Variants in ARHGAP6 observed in about 807,000 individuals in gnomAD.
ARHGAP6 encodes Rho GTPase activating protein 6.
ARHGAP6 carries 16 observed loss-of-function variants against 55.7 expected under a neutral mutation model. The ratio of observed to expected loss-of-function variants is 0.29; its 90% CI spans 0.19 to 0.44. The LOEUF is 0.44. Among genes scored for constraint, ARHGAP6 ranks in the 20% least tolerant of loss-of-function variants. The pLI is 1.00. For missense variants in ARHGAP6, 698 were observed against 808.9 expected, an observed-to-expected ratio of 0.86 and a Z score of 1.66; for synonymous variants, 382 against 360.9, an observed-to-expected ratio of 1.06 and a Z score of -0.66.
At chrX:11,238,162 A>T (rs1295238692) in intron 2 of ARHGAP6, among the ~76,000 whole-genome samples, 1 of 112,675 alleles carries the variant, frequency 8.9e-6, no homozygotes. Flanking sequence ...ACAATGCTCA[A>T]GTTATACTTT....
intron 1 of ARHGAP6, among the ~76,000 whole-genome samples, chrX:11,267,468 G>A (rs1038288689): frequency 2.7e-5 from 3 of 111,998 alleles, no homozygotes; most frequent in African/African-American, 9.7e-5. Context: ...TAAGTAATGC[G>A]GCTGTCATCC....
rs1403909367 is a variant in ARHGAP6, at chrX:11,522,134, T to C, written c.588+142107A>G. On this transcript the variant is annotated intron_variant, in intron 1 of 12. Coordinates refer to ENST00000337414, the MANE Select transcript of ARHGAP6 (RefSeq NM_013427.3). Reference sequence around the variant, plus strand: ...ACTGAACAATCTGCTCCTTAATGACTACTGGGTACATAACGAAATGAAGGC... The same window carrying C: ...ACTGAACAATCTGCTCCTTAATGACCACTGGGTACATAACGAAATGAAGGC... 3.6e-5 allele frequency among the ~76,000 whole-genome samples: 4 copies of C among 111,651 alleles called. No homozygotes were observed. In the South Asian group the frequency reaches 1.5e-3, roughly 42 times the overall value.
intron 1 of ARHGAP6, among the ~76,000 whole-genome samples, chrX:11,568,387 A>G (rs1334139831): frequency 8.9e-6 from 1 of 112,868 alleles, no homozygotes; most frequent in East Asian, 2.7e-4. Flanking sequence ...AGAGATTCTA[A>G]AGATTCATTC....
chrX:11,446,829 C>T (rs1424491773), intron 1 of ARHGAP6, among the ~76,000 whole-genome samples: 1 of 111,332 alleles, frequency 9.0e-6, no homozygotes, highest in Non-Finnish European at 1.9e-5. Flanking sequence ...GTATATCTCA[C>T]TTCAGCCTAT....
chrX:11,662,766 G>C (rs769319467), intron 1 of ARHGAP6, among the ~76,000 whole-genome samples: 44 of 112,537 alleles, frequency 3.9e-4, no homozygotes, highest in African/African-American at 1.3e-3. Context: ...TTTTAAGCAC[G>C]AATGTTAGCT....
At chrX:11,195,959 C>CAAAAAAAAAAAA (rs1024986729) in intron 3 of ARHGAP6, among the ~76,000 whole-genome samples, 1 of 8,414 alleles carries the variant, frequency 1.2e-4, no homozygotes, top group African/African-American at 3.0e-4. Context: ...ACTAAAAATA[C>CAAAAAAAAAAAA]AAAAAAAAAA....
At chrX:11,291,665 C>T (rs942165695) in intron 1 of ARHGAP6, among the ~76,000 whole-genome samples, 1 of 111,221 alleles carries the variant, frequency 9.0e-6, no homozygotes, top group African/African-American at 3.3e-5. Flanking sequence ...TACACCCCTG[C>T]CAATCCTCCT....
chrX:11,520,131 T>TATATA (rs2050898707), intron 1 of ARHGAP6, among the ~76,000 whole-genome samples: 4 of 18,250 alleles, frequency 2.2e-4, no homozygotes, highest in African/African-American at 4.0e-4. Flanking sequence ...AGAATTGATT[T>TATATA]TATATATATA....
At chrX:11,464,389 G>A (rs779385848) in intron 1 of ARHGAP6, among the ~76,000 whole-genome samples, 1 of 112,100 alleles carries the variant, frequency 8.9e-6, no homozygotes, top group South Asian at 3.8e-4. Flanking sequence ...CATGAAAACT[G>A]AAACTAAGTC....
intron 8 of ARHGAP6, among the ~76,000 whole-genome samples, chrX:11,174,923 C>T (rs996937927): frequency 2.7e-5 from 3 of 109,264 alleles, no homozygotes; most frequent in African/African-American, 1.0e-4. Flanking sequence ...GATCTCCTGA[C>T]CTCGTGATCC....
At chrX:11,592,090 G>T (rs1334079088) in intron 1 of ARHGAP6, among the ~76,000 whole-genome samples, 5 of 111,906 alleles carry the variant, frequency 4.5e-5, no homozygotes, top group Non-Finnish European at 7.5e-5. Flanking sequence ...GGTAAGAATG[G>T]CAAGCAAACA....
intron 9 of ARHGAP6, among the ~76,000 whole-genome samples, chrX:11,168,830 A>AAAAC (rs989599761): frequency 8.9e-6 from 1 of 112,507 alleles, no homozygotes; most frequent in African/African-American, 3.2e-5. Flanking sequence ...TTGATGAAGG[A>AAAAC]AAACAGGAAC....
intron 1 of ARHGAP6, among the ~76,000 whole-genome samples, chrX:11,413,902 C>T (rs1042488861): frequency 2.7e-5 from 3 of 111,747 alleles, no homozygotes; most frequent in Non-Finnish European, 5.6e-5. Flanking sequence ...CAAGAGGAAG[C>T]CTTAGAGTAA....
intron 1 of ARHGAP6, among the ~76,000 whole-genome samples, chrX:11,614,431 A>G (rs903909420): frequency 2.7e-5 from 3 of 111,756 alleles, no homozygotes; most frequent in African/African-American, 9.8e-5. Context: ...CACGTTCTAC[A>G]TGGCTAGAGC....
intron 2 of ARHGAP6, among the ~76,000 whole-genome samples, chrX:11,222,634 A>C (rs2046988581): frequency 8.9e-6 from 1 of 112,204 alleles, no homozygotes; most frequent in Non-Finnish European, 1.9e-5. Flanking sequence ...TTATCTACTT[A>C]AACCTAAATT....
intron 10 of ARHGAP6, chrX:11,148,564 T>A: frequency 3.1e-6 from 1 of 323,754 alleles, no homozygotes; most frequent in Non-Finnish European, 6.0e-6. Flanking sequence ...ACATACAGCA[T>A]GCATGGCCAA....
intron 2 of ARHGAP6, among the ~76,000 whole-genome samples, chrX:11,220,943 C>G (rs891704299): frequency 9.1e-6 from 1 of 109,830 alleles, no homozygotes; most frequent in Admixed American, 9.7e-5. Context: ...GGAAGATCTA[C>G]CAAGCCAATG....
At position 11,517,658 on chromosome X, in the gene ARHGAP6, T is replaced by C. The variant is rs893951438; in HGVS notation, c.588+146583A>G. ...GTTTGTGATAAATGGATCATGTCCTTTGCAGGCACATGGATGGAACTGGAG... is the reference window on the plus strand; with the variant it reads ...GTTTGTGATAAATGGATCATGTCCTCTGCAGGCACATGGATGGAACTGGAG... On this transcript the variant is annotated intron_variant, in intron 1 of 12. Transcript: ENST00000337414. Among the ~76,000 whole-genome samples the C allele has an allele frequency of 5.4e-5, 6 of 111,639 alleles. No individual in the cohort carries two copies. In the Admixed American group the frequency reaches 5.7e-4, roughly 11 times the overall value.
intron 2 of ARHGAP6, among the ~76,000 whole-genome samples, chrX:11,211,604 C>T (rs775906102): frequency 1.2e-4 from 13 of 109,507 alleles, no homozygotes; most frequent in African/African-American, 3.7e-4. Flanking sequence ...AGTGCAGTGG[C>T]GCAATCTCAG....
Sources: gnomAD v4.1 joint callset for allele counts (sites outside exome capture counted in the v4.1 genomes callset) on GRCh38, gnomAD v4.1.1 for gene constraint, MANE v1.5 for transcripts, NCBI Gene and HGNC (gene_info 2026-07-23, HGNC 2026-07-21) for gene names.